Variants in GRID1 observed in about 807,000 individuals in gnomAD.
GRID1 encodes the protein glutamate receptor ionotropic, delta-1.
A neutral mutation model predicts 98.0 loss-of-function variants in GRID1; 28 were observed. That is an observed-to-expected ratio of 0.29 (90% CI 0.21 to 0.39). The LOEUF (loss-of-function observed/expected upper bound fraction) is 0.39, where lower values mean the gene tolerates loss of function less well. GRID1 is among the 10% of genes least tolerant of loss of function. GRID1 has a pLI of 1.00. For missense variants in GRID1, 1,111 were observed against 1,340.5 expected (o/e 0.83, Z 2.67); for synonymous variants, 553 against 538.5 (o/e 1.03, Z -0.37).
chr10:85,620,672 C>T (rs1842847800), intron 13 of GRID1, among the ~76,000 whole-genome samples: 1 of 152,178 alleles, frequency 6.6e-6, no homozygotes, highest in Non-Finnish European at 1.5e-5. Flanking sequence ...AGGCTTCTGC[C>T]ACTTGTCTTT....
At chr10:85,665,765 C>G (rs1841012822) in intron 12 of GRID1, among the ~76,000 whole-genome samples, 1 of 152,116 alleles carries the variant, frequency 6.6e-6, no homozygotes, top group Non-Finnish European at 1.5e-5. Context: ...GCCTGCCACC[C>G]CTGCAACCTA....
intron 2 of GRID1, among the ~76,000 whole-genome samples, chr10:86,273,934 A>G (rs1030967138): frequency 9.2e-5 from 14 of 151,354 alleles, no homozygotes; most frequent in Admixed American, 6.6e-4. Flanking sequence ...CCATTTGTCA[A>G]TTTTGGCTTT....
intron 3 of GRID1, among the ~76,000 whole-genome samples, chr10:86,165,071 A>C (rs1485984320): frequency 6.6e-6 from 1 of 152,194 alleles, no homozygotes; most frequent in Non-Finnish European, 1.5e-5. Context: ...CTCCAGAGGC[A>C]GACTGTGCCT....
At chr10:85,877,698 C>G (rs58083474) in intron 5 of GRID1, among the ~76,000 whole-genome samples, 1 of 152,322 alleles carries the variant, frequency 6.6e-6, no homozygotes, top group South Asian at 2.1e-4. Context: ...ACTGGAAACT[C>G]TAAAAAGCAG....
chr10:86,081,336 A>G (rs1362738001), intron 4 of GRID1, among the ~76,000 whole-genome samples: 1 of 152,168 alleles, frequency 6.6e-6, no homozygotes, highest in Non-Finnish European at 1.5e-5. Flanking sequence ...ATCCATTTGA[A>G]AAGGAGAAAC....
At chr10:86,123,293 G>A (rs908982979) in intron 4 of GRID1, among the ~76,000 whole-genome samples, 8 of 152,202 alleles carry the variant, frequency 5.3e-5, no homozygotes, top group Non-Finnish European at 8.8e-5. Flanking sequence ...GGAACCTACC[G>A]GTGATGCTGA....
intron 2 of GRID1, among the ~76,000 whole-genome samples, chr10:86,215,670 C>A (rs570979926): frequency 3.3e-5 from 5 of 152,174 alleles, no homozygotes; most frequent in African/African-American, 1.2e-4. Flanking sequence ...CAAGCCCAGA[C>A]AGCTCCTCCT....
intron 4 of GRID1, among the ~76,000 whole-genome samples, chr10:85,982,685 G>C (rs532009837): frequency 9.8e-5 from 15 of 152,310 alleles, no homozygotes; most frequent in African/African-American, 3.6e-4. Context: ...TGGGTATCCA[G>C]TAGGAGCATA....
chr10:86,179,008 A>G (rs1267734528), intron 3 of GRID1, among the ~76,000 whole-genome samples: 1 of 152,038 alleles, frequency 6.6e-6, no homozygotes, highest in African/African-American at 2.4e-5. Flanking sequence ...GACTGGAGCC[A>G]TCCCAGGTCC....
intron 8 of GRID1, among the ~76,000 whole-genome samples, chr10:85,850,258 G>C (rs147039546): frequency 2.2e-4 from 34 of 152,188 alleles, no homozygotes; most frequent in African/African-American, 8.0e-4. Flanking sequence ...AACAGCTTCA[G>C]CAATCAGGTC....
At chr10:85,643,655 T>C (rs1843150510) in intron 13 of GRID1, among the ~76,000 whole-genome samples, 1 of 152,094 alleles carries the variant, frequency 6.6e-6, no homozygotes. Context: ...TGTCTGACAA[T>C]ACTATAAACT....
chr10:86,065,494 T>A (rs565470192), intron 4 of GRID1, among the ~76,000 whole-genome samples: 24 of 152,354 alleles, frequency 1.6e-4, no homozygotes, highest in African/African-American at 5.5e-4. Flanking sequence ...GCCACATGCA[T>A]TCAAATTCTG....
chr10:86,298,045 A>G (rs1378984678), intron 2 of GRID1, among the ~76,000 whole-genome samples: 1 of 152,228 alleles, frequency 6.6e-6, no homozygotes, highest in Non-Finnish European at 1.5e-5. Context: ...CTTTGACCCA[A>G]TAATCTTCTT....
intron 8 of GRID1, among the ~76,000 whole-genome samples, chr10:85,730,633 C>A (rs945363154): frequency 1.3e-5 from 2 of 152,102 alleles, no homozygotes; most frequent in Admixed American, 6.5e-5. Context: ...GAAAGTTGGG[C>A]CTTACCCCCA....
chr10:85,743,369 C>A (rs1240854397), intron 8 of GRID1, among the ~76,000 whole-genome samples: 1 of 152,062 alleles, frequency 6.6e-6, no homozygotes, highest in Non-Finnish European at 1.5e-5. Context: ...CAAAGACAAG[C>A]CCTGACCAAA....
intron 4 of GRID1, among the ~76,000 whole-genome samples, chr10:86,089,164 A>G (rs1319970391): frequency 6.6e-6 from 1 of 152,142 alleles, no homozygotes; most frequent in Non-Finnish European, 1.5e-5. Flanking sequence ...CAGAATTTAT[A>G]CCACTGCCAT....
At chr10:86,315,172 A>AAC (rs967280947) in intron 2 of GRID1, among the ~76,000 whole-genome samples, 2 of 152,182 alleles carry the variant, frequency 1.3e-5, no homozygotes, top group African/African-American at 4.8e-5. Flanking sequence ...AGCTGTCACA[A>AAC]ACATGAAACA....
Position 85,681,039 on chromosome 10 carries a change from T to C in GRID1, c.1998-33642A>G, listed in dbSNP as rs1841202942. ...TACCTTATGGGTACTATGTATTCTA[T>C]TTGGGTGATGACTACACTAAAAACC... is the stretch of plus-strand genomic sequence containing the variant. On this transcript the variant is annotated intron_variant, in intron 12 of 15. Transcript: ENST00000327946. Among the ~76,000 whole-genome samples the C allele has an allele frequency of 2.0e-5, 3 of 152,164 alleles. No individual in the cohort carries two copies. In the South Asian group the frequency reaches 6.2e-4, roughly 32 times the overall value.
chr10:86,059,866 A>G (rs770975567), intron 4 of GRID1, among the ~76,000 whole-genome samples: 5 of 152,260 alleles, frequency 3.3e-5, no homozygotes, highest in Non-Finnish European at 5.9e-5. Context: ...GATCATAGAT[A>G]TATACCTAAA....
Sources: gnomAD v4.1 joint callset for allele counts (sites outside exome capture counted in the v4.1 genomes callset) on GRCh38, gnomAD v4.1.1 for gene constraint, MANE v1.5 for transcripts, NCBI Gene and HGNC (gene_info 2026-07-23, HGNC 2026-07-21) for gene names.